TUT7: variants seen among roughly 807,000 people sequenced by gnomAD.
The protein encoded by TUT7 is terminal uridylyltransferase 7.
In TUT7, 33 loss-of-function variants were observed where a neutral mutation model predicts 165.9. That is an observed-to-expected ratio of 0.20 (90% confidence interval 0.15 to 0.27). TUT7 has a LOEUF of 0.27. Among genes scored for constraint, TUT7 ranks in the 10% least tolerant of loss-of-function variants. TUT7 has a pLI of 1.00. For missense variants in TUT7, 1,338 were observed against 1,762.3 expected, an observed-to-expected ratio of 0.76 and a Z score of 4.31; for synonymous variants, 552 against 608.1, an observed-to-expected ratio of 0.91 and a Z score of 1.36.
intron 6 of TUT7, 121 bp from the exon 7 acceptor site, chr9:86,341,174 G>A: frequency 2.5e-6 from 2 of 787,354 alleles, no homozygotes; most frequent in South Asian, 2.9e-5. Flanking sequence ...TGCTATCAAA[G>A]TAAAGAAATT....
intron 22 of TUT7, among the ~76,000 whole-genome samples, chr9:86,308,184 C>T (rs1411141021): frequency 1.3e-5 from 2 of 152,148 alleles, no homozygotes; most frequent in African/African-American, 2.4e-5. Context: ...TGCCTTATCA[C>T]TACTGCTGCC....
rs149976344 is a variant in TUT7 at position 86,303,062 on chromosome 9, C to G, written c.4094+24G>C. On this transcript the variant is annotated intron_variant, in intron 25 of 26. Coordinates refer to ENST00000375963, the MANE Select transcript of TUT7 (RefSeq NM_024617.4). ...GACATTAAGAAAATAAAAACACAAC[C>G]AACCCCTTTGAACATTTACTTACTT... 1,636 of 1,191,592 alleles carry G rather than the reference C, an allele frequency of 1.4e-3. 3 individuals carry two copies. Among genetic ancestry groups the G allele is most frequent in the Admixed American group, 2.7e-3 (116 of 43,684 alleles). 73.8% of individuals were successfully genotyped at this position (1,191,592 alleles called of 1,614,324 possible). A position where few individuals can be genotyped will look rare whatever the true frequency, so the allele number is the denominator to read the frequency against.
intron 13 of TUT7, 117 bp downstream of exon 13, chr9:86,322,756 G>T: frequency 8.2e-7 from 1 of 1,225,172 alleles, no homozygotes. Context: ...AGAATGAAAG[G>T]CCAACTTGTT....
chr9:86,319,708 C>T (rs1408536476), intron 14 of TUT7, 38 bp from the exon 15 acceptor site: 27 of 1,372,722 alleles, frequency 2.0e-5, no homozygotes, highest in East Asian at 1.9e-4. Context: ...CAAAATAAGC[C>T]GGTTGACACT....
At position 86,328,402 on chromosome 9, in the gene TUT7, C is replaced by G. The variant is rs770796065; in HGVS notation, c.1546G>C (p.Ala516Pro). The G allele has an allele frequency of 1.9e-6, 3 of 1,613,060 alleles. No individual in the cohort carries two copies. In the Admixed American group the frequency reaches 5.0e-5, roughly 27 times the overall value. Residue 516 changes from alanine to proline, a missense_variant, in exon 11 of 27, where the codon GCA becomes CCA. Coordinates refer to ENST00000375963, the MANE Select transcript of TUT7 (RefSeq NM_024617.4). ...TCTTTTGTTATGCCTGTGTCCCCTG[C>G]AGCACTGTCAGTATGTTCCCAGATC... ...VVIWEHTDSA[A>P]GDTGITKEEA...
rs1182363589 is a variant in TUT7 at position 86,337,450 on chromosome 9, T to A, written c.1424A>T (p.Glu475Val). 2 of 1,613,764 alleles carry A rather than the reference T, an allele frequency of 1.2e-6. No homozygotes were observed. The highest frequency in any genetic ancestry group is 1.7e-6 in the Non-Finnish European group (2 of 1,179,870). ...TCCTAGATATACAGGCAAAAGGGGTTCTTTCCTCTGCTGAAGAAAGAAAAT... is the reference window on the plus strand; with the variant it reads ...TCCTAGATATACAGGCAAAAGGGGTACTTTCCTCTGCTGAAGAAAGAAAAT... ...MAIFFLQQRK[E>V]PLLPVYLGSW... The change falls in exon 10 of 27, where the codon GAA becomes GTA. Residue 475 changes from glutamate to valine, a missense_variant. Around this residue, in one of 7 missense-constraint regions of TUT7, gnomAD observed 74 missense variants for 128.5 expected, o/e 0.58. Coordinates refer to ENST00000375963, the MANE Select transcript of TUT7 (RefSeq NM_024617.4).
chr9:86,353,277 T>C (rs1291671232), intron 1 of TUT7, 47 bp from the exon 2 acceptor site: 3 of 1,418,500 alleles, frequency 2.1e-6, no homozygotes, highest in East Asian at 2.3e-5. Flanking sequence ...TAACAAGATA[T>C]CATACAAGTA....
intron 24 of TUT7, among the ~76,000 whole-genome samples, chr9:86,303,810 G>T (rs1431622129): frequency 6.6e-6 from 1 of 152,176 alleles, no homozygotes; most frequent in African/African-American, 2.4e-5. Context: ...ATCAGAATCT[G>T]CACTTTAACA....
In TUT7 at chr9:86,350,652, G is replaced by T. The variant is rs190960154; in HGVS notation, c.520+2028C>A. Among the ~76,000 whole-genome samples the T allele has an allele frequency of 1.0e-3, 155 of 152,344 alleles. 1 individual carries two copies. The highest frequency in any genetic ancestry group is 3.5e-3 in the African/African-American group (145 of 41,580). On this transcript the variant is annotated intron_variant, in intron 2 of 26. Transcript: ENST00000375963. ...AATTTAACCTCTCTGAGCTGCAGCT[G>T]CCTGATTTGTAAAACTGTGATTCCA...
intron 2 of TUT7, chr9:86,352,432 T>C (rs1474058705): frequency 5.3e-6 from 3 of 569,758 alleles, no homozygotes; most frequent in Middle Eastern, 4.7e-4. Context: ...AGAAAACATG[T>C]TTACTGACGT....
chr9:86,323,805 A>C lies in TUT7; in HGVS notation c.1945T>G (p.Cys649Gly), dbSNP rs1429690767. 1 of 1,614,104 alleles carries C rather than the reference A, an allele frequency of 6.2e-7. No individual in the cohort carries two copies. Among genetic ancestry groups the C allele is most frequent in the South Asian group, 1.1e-5 (1 of 91,050 alleles). The change falls in exon 13 of 27, where the codon TGT becomes GGT. Residue 649 changes from cysteine (C) to glycine (G), a missense_variant. By Grantham distance (159) the Cys-to-Gly change is radical (BLOSUM62 -3). Transcript: ENST00000375963. ...SLLKPLNAIT[C>G]ISEHSKEVIN... is the part of the protein sequence containing the mutation. ...ACTTCTTTAGAATGTTCTGAAATAC[A>C]TGTAATTGCATTCAGAGGCTTTAGA...
At chr9:86,307,376 G>C (rs538296139) in intron 22 of TUT7, among the ~76,000 whole-genome samples, 1 of 152,238 alleles carries the variant, frequency 6.6e-6, no homozygotes, top group South Asian at 2.1e-4. Flanking sequence ...TGACACATGA[G>C]ATCTTTAAAA....
At chr9:86,303,500 T>C (rs900546448) in intron 24 of TUT7, among the ~76,000 whole-genome samples, 2 of 152,168 alleles carry the variant, frequency 1.3e-5, no homozygotes, top group African/African-American at 4.8e-5. Flanking sequence ...TTTCAGGATG[T>C]GGGAGGGAGT....
chr9:86,349,383 C>T (rs1776181175), intron 2 of TUT7, among the ~76,000 whole-genome samples: 1 of 152,010 alleles, frequency 6.6e-6, no homozygotes, highest in African/African-American at 2.4e-5. Flanking sequence ...TTCGGCATTC[C>T]AAGTTTCCCA....
intron 9 of TUT7, 37 bp downstream of exon 9, chr9:86,338,786 T>C (rs1219055093): frequency 1.3e-6 from 2 of 1,530,576 alleles, no homozygotes; most frequent in Non-Finnish European, 1.8e-6. Flanking sequence ...CTTATACATA[T>C]GTAGAATGTA....
At chr9:86,300,084 TAAAAC>T (rs1482520668) in intron 26 of TUT7, among the ~76,000 whole-genome samples, 3 of 152,232 alleles carry the variant, frequency 2.0e-5, no homozygotes, top group Non-Finnish European at 4.4e-5. Flanking sequence ...ATTTTCCTCT[TAAAAC>T]AACAAAAGAA....
Position 86,305,588 on chromosome 9 carries a change from G to A in TUT7, c.3839-349C>T, listed in dbSNP as rs113730841. ...ATTTTTGAACAAAATACTGTTTGCAGAAGACACATTAGCCTGATATTACTT... is the reference window on the plus strand; with the variant it reads ...ATTTTTGAACAAAATACTGTTTGCAAAAGACACATTAGCCTGATATTACTT... On this transcript the variant is annotated intron_variant, in intron 22 of 26. Transcript: ENST00000375963. 1.6e-3 allele frequency among the ~76,000 whole-genome samples: 251 copies of A among 152,272 alleles called. 2 individuals carry two copies. The highest frequency in any genetic ancestry group is 5.6e-3 in the African/African-American group (231 of 41,548).
chr9:86,352,648 G>T, intron 2 of TUT7, 32 bp downstream of exon 2: 1 of 1,612,268 alleles, frequency 6.2e-7, no homozygotes, highest in Non-Finnish European at 8.5e-7. Flanking sequence ...GCTGACTCTG[G>T]GGTTGTGATC....
Position 86,337,478 on chromosome 9 carries a change from C to T in TUT7, c.1396G>A (p.Ala466Thr). 6.2e-7 allele frequency: 1 copy of T among 1,613,816 alleles called. No individual in the cohort carries two copies. The highest frequency in any genetic ancestry group is 8.5e-7 in the Non-Finnish European group (1 of 1,179,824). ...TTCCTCTGCTGAAGAAAGAAAATGG[C>T]CATCAGGGCAAACACATAAGGTGGC... ...GLPPYVFALMAIFFLQQRKEP... is the reference protein window; with the variant it reads ...GLPPYVFALMTIFFLQQRKEP... The change falls in exon 10 of 27, where the codon GCC becomes ACC. Residue 466 changes from alanine to threonine, a missense_variant. Ala to Thr is a moderately conservative substitution (Grantham distance 58). This residue lies in a region of TUT7 where 74 missense variants were observed against 128.5 expected (regional missense o/e 0.58). Transcript: ENST00000375963.
Sources: gnomAD v4.1 joint callset for allele counts (sites outside exome capture counted in the v4.1 genomes callset) on GRCh38, gnomAD v4.1.1 for gene constraint, gnomAD v4.1.1 regional missense constraint, MANE v1.5 for transcripts, NCBI Gene and HGNC (gene_info 2026-07-23, HGNC 2026-07-21) for gene names.